ABLIM2: variants seen among roughly 807,000 people sequenced by gnomAD.
ABLIM2 encodes the protein actin binding LIM protein family member 2.
In ABLIM2, 53 loss-of-function variants were observed where a neutral mutation model predicts 97.7. That is an observed-to-expected ratio of 0.54 (90% CI 0.44 to 0.68). The LOEUF (loss-of-function observed/expected upper bound fraction) is 0.68. Among genes scored for constraint, ABLIM2 ranks in the 30% least tolerant of loss-of-function variants. The pLI is 0.00. For synonymous variants in ABLIM2, 361 were observed against 345.8 expected (o/e 1.04, Z -0.49); for missense variants, 835 against 867.2 (o/e 0.96, Z 0.47).
chr4:7,977,895 A>T (rs968258560), intron 20 of ABLIM2, among the ~76,000 whole-genome samples: 3 of 152,202 alleles, frequency 2.0e-5, no homozygotes, highest in Admixed American at 2.0e-4. Flanking sequence ...AAAAAGCAGG[A>T]TGTCAAACCT....
intron 14 of ABLIM2, among the ~76,000 whole-genome samples, chr4:8,013,883 T>G (rs1766802059): frequency 1.3e-5 from 2 of 151,950 alleles, no homozygotes; most frequent in Admixed American, 6.6e-5. Context: ...AGGAAGTGAG[T>G]GAGATGGACA....
At chr4:7,993,677 T>C (rs10016802) in intron 16 of ABLIM2, among the ~76,000 whole-genome samples, 69,941 of 151,950 alleles carry the variant, frequency 0.46, 16,749 homozygotes, top group East Asian at 0.63. Context: ...ATCCTGTCTC[T>C]AAAAAAATAA....
Position 8,155,320 on chromosome 4 carries a change from C to G in ABLIM2, c.10+3360G>C, listed in dbSNP as rs955779497. 3.3e-5 allele frequency among the ~76,000 whole-genome samples: 5 copies of G among 152,216 alleles called. No individual in the cohort carries two copies. The highest frequency in any genetic ancestry group is 5.9e-5 in the Non-Finnish European group (4 of 68,030). ...TTGGATTAGGTGAAGAAATGTGTCT[C>G]TGTTCCAAATACTAGGATCTGCACC... On this transcript the variant is annotated intron_variant, in intron 1 of 20. Transcript: ENST00000447017. This position sits in a 1 kb window ranked among gnomAD's most constrained non-coding sequence, Gnocchi z 4.2.
Position 7,992,944 on chromosome 4 carries a change from A to C in ABLIM2, c.1619-17T>G. The C allele has an allele frequency of 1.2e-6, 2 of 1,611,394 alleles. No individual in the cohort carries two copies. Among genetic ancestry groups the C allele is most frequent in the Non-Finnish European group, 1.7e-6 (2 of 1,178,850 alleles). On this transcript the variant is annotated splice_polypyrimidine_tract_variant and intron_variant, in intron 16 of 20. Transcript: ENST00000447017. The surrounding 1 kb of genome is among the most constrained non-coding windows in gnomAD (Gnocchi z 5.7). The stretch of plus-strand genomic sequence containing the variant: ...AGGGGAATCCTGAAACAGACACAGC[A>C]CAGCTTTGTCACGCGCGCAGACTCG...
At chr4:8,105,937 AT>A (rs35475311) in intron 2 of ABLIM2, among the ~76,000 whole-genome samples, 16,194 of 150,450 alleles carry the variant, frequency 0.11, 1,014 homozygotes, top group African/African-American at 0.17. Context: ...GCCTCACGTG[AT>A]TTTTTTTTTG....
At chr4:8,070,534 T>C (rs571821150) in intron 6 of ABLIM2, among the ~76,000 whole-genome samples, 99 of 152,264 alleles carry the variant, frequency 6.5e-4, no homozygotes, top group African/African-American at 2.3e-3. Context: ...ACGAGAGTCA[T>C]CCGTGCTTCC....
At chr4:7,989,153 C>T (rs149430461) in intron 17 of ABLIM2, among the ~76,000 whole-genome samples, 1,833 of 145,156 alleles carry the variant, frequency 0.013, 38 homozygotes, top group African/African-American at 0.044. Flanking sequence ...ACTTCAGCAG[C>T]TCACTGCAAC....
At chr4:8,156,643 G>A (rs1213527092) in intron 1 of ABLIM2, among the ~76,000 whole-genome samples, 2 of 152,236 alleles carry the variant, frequency 1.3e-5, no homozygotes, top group Non-Finnish European at 2.9e-5. Context: ...GGCCCATTTG[G>A]GCAGCTGGAG....
At chr4:8,094,410 T>A (rs531558740) in intron 3 of ABLIM2, among the ~76,000 whole-genome samples, 8 of 152,228 alleles carry the variant, frequency 5.3e-5, no homozygotes, top group Non-Finnish European at 8.8e-5. Context: ...ACAACTGAGC[T>A]CTCCAAGTGC....
Position 8,054,729 on chromosome 4 carries a change from G to A in ABLIM2, c.764-483C>T, listed in dbSNP as rs943806444. On this transcript the variant is annotated intron_variant, in intron 7 of 20. Transcript: ENST00000447017. The surrounding 1 kb of genome is among the most constrained non-coding windows in gnomAD (Gnocchi z 4.9). The stretch of plus-strand genomic sequence containing the variant: ...CTTGGGGAGGAGGACTTGCAGGGCA[G>A]GGCTCTAAGCTGAGAGGTAGGAAGA... 1.3e-5 allele frequency among the ~76,000 whole-genome samples: 2 copies of A among 152,202 alleles called. No individual in the cohort carries two copies. Among genetic ancestry groups the A allele is most frequent in the African/African-American group, 4.8e-5 (2 of 41,454 alleles).
chr4:7,980,446 G>A (rs1395021178), intron 20 of ABLIM2, among the ~76,000 whole-genome samples: 1 of 152,132 alleles, frequency 6.6e-6, no homozygotes, highest in Non-Finnish European at 1.5e-5. Flanking sequence ...CAGGCATAGT[G>A]GCTCACACCT....
rs2150274470 is a variant in ABLIM2 at position 8,003,662 on chromosome 4, A to G, written c.1618+4397T>C. Among the ~76,000 whole-genome samples, 1 of 143,880 alleles carries G rather than the reference A, an allele frequency of 7.0e-6. No homozygotes were observed. Among genetic ancestry groups the G allele is most frequent in the African/African-American group, 2.6e-5 (1 of 38,176 alleles). The allele number at this position is 143,880 out of a possible 152,430, so 94.4% of individuals were successfully genotyped here. ...CTTACTGCAACCTCTGCCTCCTGGG[A>G]TCAAGTGATTCTCCTGCCTCAGCCT... is the stretch of plus-strand genomic sequence containing the variant. On this transcript the variant is annotated intron_variant, in intron 16 of 20. Transcript: ENST00000447017. This position sits in a 1 kb window ranked among gnomAD's most constrained non-coding sequence, Gnocchi z 4.2.
Position 8,034,987 on chromosome 4 carries a change from T to C in ABLIM2, c.1047+1162A>G, listed in dbSNP as rs1172827818. Among the ~76,000 whole-genome samples the C allele has an allele frequency of 1.7e-3, 128 of 76,540 alleles. 1 individual carries two copies. Among genetic ancestry groups the C allele is most frequent in the Non-Finnish European group, 2.9e-3 (116 of 39,658 alleles). The allele number at this position is 76,540 out of a possible 152,430, so 50.2% of individuals were successfully genotyped here. On this transcript the variant is annotated intron_variant, in intron 10 of 20. Coordinates refer to ENST00000447017, the MANE Select transcript of ABLIM2 (RefSeq NM_001130083.2). The stretch of plus-strand genomic sequence containing the variant: ...GTGGGTACGGGTGGGTGGTGGGTGG[T>C]AGGTAGGTCAGTGCGGGTGGGTGGT...
Position 8,112,517 on chromosome 4 carries a change from G to A in ABLIM2, c.11-5880C>T, listed in dbSNP as rs930901476. ...GGCTCAGAGACCAGACTTGCAGGCC[G>A]CAGGATGGAGGGGTCAGATCAGGGG... is the stretch of plus-strand genomic sequence containing the variant. On this transcript the variant is annotated intron_variant, in intron 1 of 20. Transcript: ENST00000447017. The surrounding 1 kb of genome is among the most constrained non-coding windows in gnomAD (Gnocchi z 4.2). Among the ~76,000 whole-genome samples, 5 of 152,172 alleles carry A rather than the reference G, an allele frequency of 3.3e-5. No individual in the cohort carries two copies. The highest frequency in any genetic ancestry group is 5.9e-5 in the Non-Finnish European group (4 of 68,028).
intron 14 of ABLIM2, among the ~76,000 whole-genome samples, chr4:8,013,178 A>G (rs1560609043): frequency 6.6e-6 from 1 of 150,514 alleles, no homozygotes; most frequent in Non-Finnish European, 1.5e-5. Context: ...ATACCTACTC[A>G]TCAGATAAGC....
At chr4:8,038,002 G>A (rs1053539188) in intron 9 of ABLIM2, among the ~76,000 whole-genome samples, 5 of 152,166 alleles carry the variant, frequency 3.3e-5, no homozygotes, top group Non-Finnish European at 7.4e-5. Flanking sequence ...CCCTGGCTCT[G>A]GGCTCCCCAG....
At position 8,032,497 on chromosome 4, in the gene ABLIM2, G is replaced by C. The variant is rs568709451; in HGVS notation, c.1048-2721C>G. On this transcript the variant is annotated intron_variant, in intron 10 of 20. Coordinates refer to ENST00000447017, the MANE Select transcript of ABLIM2 (RefSeq NM_001130083.2). The surrounding 1 kb of genome is among the most constrained non-coding windows in gnomAD (Gnocchi z 4.3). The stretch of plus-strand genomic sequence containing the variant: ...TCATAAAAATAACCAGCAGCCAGGA[G>C]GGTGCCCCATGTCACAAGGGCCGTG... 1,028 of 873,192 alleles carry C rather than the reference G, an allele frequency of 1.2e-3. 3 individuals are homozygous for C. The highest frequency in any genetic ancestry group is 5.0e-3 in the Middle Eastern group (15 of 2,998). The allele number at this position is 873,192 out of a possible 1,614,324, so 54.1% of individuals were successfully genotyped here.
At position 7,993,790 on chromosome 4, in the gene ABLIM2, T is replaced by C. The variant is rs1750858718; in HGVS notation, c.1619-863A>G. 7.5e-6 allele frequency: 3 copies of C among 399,698 alleles called. No individual in the cohort carries two copies. In the Admixed American group the frequency reaches 9.0e-5, roughly 12 times the overall value. 24.8% of individuals were successfully genotyped at this position (399,698 alleles called of 1,614,324 possible). ...AGAGGGCTGGTCTGAGACAATGAAC[T>C]CTGGATTCCCTGTGGGGCAAGGCTC... On this transcript the variant is annotated intron_variant, in intron 16 of 20. Transcript: ENST00000447017.
At chr4:8,049,584 C>T (rs931033245) in intron 8 of ABLIM2, among the ~76,000 whole-genome samples, 3 of 152,182 alleles carry the variant, frequency 2.0e-5, no homozygotes, top group African/African-American at 7.2e-5. Context: ...CAACGCAGAC[C>T]TTAAGTCTGA....
Sources: gnomAD v4.1 joint callset for allele counts (sites outside exome capture counted in the v4.1 genomes callset) on GRCh38, gnomAD v4.1.1 for gene constraint, Gnocchi (gnomAD v3.1) non-coding constraint, MANE v1.5 for transcripts, NCBI Gene and HGNC (gene_info 2026-07-23, HGNC 2026-07-21) for gene names.